Variants in CTDP1 observed in about 807,000 individuals in gnomAD.
CTDP1 encodes RNA polymerase II subunit A C-terminal domain phosphatase.
In CTDP1, 47 loss-of-function variants were observed where a neutral mutation model predicts 91.8. That is an observed-to-expected ratio of 0.51 (90% confidence interval 0.41 to 0.65). The LOEUF (loss-of-function observed/expected upper bound fraction) is 0.65, where lower values mean the gene tolerates loss of function less well. Among genes scored for constraint, CTDP1 ranks in the 30% least tolerant of loss-of-function variants. The pLI, the probability that CTDP1 is intolerant of heterozygous loss-of-function variation, is 0.00. For missense variants in CTDP1, 1,272 were observed against 1,373.7 expected (o/e 0.93, Z 1.17); for synonymous variants, 656 against 598.5 (o/e 1.10, Z -1.40).
chr18:79,709,587 G>A (rs549691218), intron 5 of CTDP1, among the ~76,000 whole-genome samples: 4 of 152,150 alleles, frequency 2.6e-5, no homozygotes, highest in South Asian at 4.1e-4. Flanking sequence ...TGTAATTAAC[G>A]GATGTCATGT....
chr18:79,696,757 C>T lies in CTDP1; in HGVS notation c.492+687C>T, dbSNP rs558448026. Among the ~76,000 whole-genome samples the T allele has an allele frequency of 9.9e-5, 15 of 152,280 alleles. No homozygotes were observed. The South Asian group carries it at 2.7e-3, about 27-fold the overall frequency. The stretch of plus-strand genomic sequence containing the variant: ...GATGGGTTTTTATCTTCGAGTGCTA[C>T]GCCTCGTTTATGTATTTCAGGAGTT... On this transcript the variant is annotated intron_variant, in intron 3 of 12. Coordinates refer to ENST00000613122, the MANE Select transcript of CTDP1 (RefSeq NM_004715.5).
rs966771630 is a variant in CTDP1 at position 79,679,855 on chromosome 18, G to A, written c.-93G>A. 2.1e-5 allele frequency: 25 copies of A among 1,199,870 alleles called. No individual in the cohort carries two copies. Among genetic ancestry groups the A allele is most frequent in the Non-Finnish European group, 2.4e-5 (22 of 914,084 alleles). 74.3% of individuals were successfully genotyped at this position (1,199,870 alleles called of 1,614,324 possible). A position where few individuals can be genotyped will look rare whatever the true frequency, so the allele number is the denominator to read the frequency against. ...GAAGCCGGTACCGAGAGGAACTACA[G>A]CGTCGCCGCCTGGGTTGTGTCGCCG... On this transcript the variant is annotated 5_prime_UTR_variant, in exon 1 of 13. Transcript: ENST00000613122.
chr18:79,726,188 G>A lies in CTDP1; in HGVS notation c.2418-2719G>A, dbSNP rs933938426. ...CTGTGTTCTTTTTCCTGTTCAGCTC[G>A]TTTTCTCTGTTGTCCAGGTTGGGTG... On this transcript the variant is annotated intron_variant, in intron 10 of 12. Transcript: ENST00000613122. Among the ~76,000 whole-genome samples, 17 of 152,252 alleles carry A rather than the reference G, an allele frequency of 1.1e-4. No individual in the cohort carries two copies. In the East Asian group the frequency reaches 3.1e-3, roughly 28 times the overall value.
At chr18:79,686,958 C>T (rs1484418197) in intron 1 of CTDP1, among the ~76,000 whole-genome samples, 1 of 141,898 alleles carries the variant, frequency 7.0e-6, no homozygotes, top group African/African-American at 2.7e-5. Flanking sequence ...GCCTGCACCG[C>T]AGCAGTTGGC....
chr18:79,717,181 G>A (rs2086229246), intron 8 of CTDP1, among the ~76,000 whole-genome samples: 1 of 145,238 alleles, frequency 6.9e-6, no homozygotes. Context: ...TGAGGGCCCT[G>A]GGCCCTGGTG....
At chr18:79,688,450 A>C (rs1026311125) in intron 1 of CTDP1, among the ~76,000 whole-genome samples, 2 of 152,222 alleles carry the variant, frequency 1.3e-5, no homozygotes, top group African/African-American at 2.4e-5. Flanking sequence ...TTTTTAGTAG[A>C]GACAGGGTTT....
Position 79,680,203 on chromosome 18 carries a change from G to A in CTDP1, c.256G>A (p.Glu86Lys). The A allele has an allele frequency of 7.3e-7, 1 of 1,376,190 alleles. No individual in the cohort carries two copies. The highest frequency in any genetic ancestry group is 9.3e-7 in the Non-Finnish European group (1 of 1,071,386). The allele number at this position is 1,376,190 out of a possible 1,614,324, so 85.2% of individuals were successfully genotyped here. ...PARPERRLRS[E>K]RAGVVRELCA... ...GCGGCCGGAACGCAGGCTGAGGTCG[G>A]AGCGCGCGGGCGTGGTGCGGGAGCT... Residue 86 changes from glutamate (E) to lysine (K), a missense_variant, in exon 1 of 13, where the codon GAG becomes AAG. By Grantham distance (56) the Glu-to-Lys change is moderately conservative (BLOSUM62 1). Around this residue, in one of 3 missense-constraint regions of CTDP1, gnomAD observed 214 missense variants for 179.1 expected, o/e 1.19. Coordinates refer to ENST00000613122, the MANE Select transcript of CTDP1 (RefSeq NM_004715.5).
chr18:79,715,922 T>C (rs1374002081), intron 8 of CTDP1, among the ~76,000 whole-genome samples: 1 of 152,196 alleles, frequency 6.6e-6, no homozygotes, highest in African/African-American at 2.4e-5. Flanking sequence ...AGGTTTCAGC[T>C]GAAACGTGCA....
chr18:79,691,026 C>T (rs1224880660), intron 1 of CTDP1, among the ~76,000 whole-genome samples: 1 of 152,234 alleles, frequency 6.6e-6, no homozygotes, highest in South Asian at 2.1e-4. Flanking sequence ...CCACCGGGAC[C>T]TTGCGTGGTT....
intron 1 of CTDP1, 51 bp from the exon 2 acceptor site, chr18:79,695,174 T>G: frequency 6.4e-7 from 1 of 1,563,734 alleles, no homozygotes; most frequent in African/African-American, 1.4e-5. Context: ...GGGGGCTCTT[T>G]TGATAAACCA....
chr18:79,747,978 C>T (rs2086914527), intron 12 of CTDP1, among the ~76,000 whole-genome samples: 1 of 152,186 alleles, frequency 6.6e-6, no homozygotes, highest in Non-Finnish European at 1.5e-5. Flanking sequence ...GTGGGGTATA[C>T]ATATATATTA....
chr18:79,718,296 C>T (rs1167928494), intron 10 of CTDP1, among the ~76,000 whole-genome samples: 2 of 152,202 alleles, frequency 1.3e-5, no homozygotes, highest in Admixed American at 6.5e-5. Context: ...GTGGCCGCCC[C>T]GCAGAGCACT....
At chr18:79,692,646 G>A (rs1192967311) in intron 1 of CTDP1, among the ~76,000 whole-genome samples, 1 of 152,050 alleles carries the variant, frequency 6.6e-6, no homozygotes, top group South Asian at 2.1e-4. Flanking sequence ...AGGAGCCCGC[G>A]GTGAGCTGGT....
rs534470435 is a variant in CTDP1 at position 79,744,428 on chromosome 18, A to G, written c.2747+7907A>G. On this transcript the variant is annotated intron_variant, in intron 12 of 12. Coordinates refer to ENST00000613122, the MANE Select transcript of CTDP1 (RefSeq NM_004715.5). ...TGCAAAAGAAAACAGAAAAGGGAAG[A>G]CAGGAACTAAAACTACATGAGGCAT... 2.6e-5 allele frequency among the ~76,000 whole-genome samples: 4 copies of G among 152,258 alleles called. No individual in the cohort carries two copies. The East Asian group carries it at 7.7e-4, about 29-fold the overall frequency.
intron 1 of CTDP1, among the ~76,000 whole-genome samples, chr18:79,684,667 C>A (rs1199507272): frequency 6.6e-6 from 1 of 152,090 alleles, no homozygotes; most frequent in East Asian, 1.9e-4. Flanking sequence ...ATTGTTGTTA[C>A]CAGCAACATT....
intron 1 of CTDP1, among the ~76,000 whole-genome samples, chr18:79,692,209 AAC>A (rs1189900890): frequency 6.6e-6 from 1 of 151,976 alleles, no homozygotes; most frequent in African/African-American, 2.4e-5. Context: ...ACCTTTGCAG[AAC>A]ACACTCTGCA....
intron 1 of CTDP1, among the ~76,000 whole-genome samples, chr18:79,694,273 G>GGTCA (rs1344065269): frequency 2.8e-5 from 4 of 141,980 alleles, no homozygotes; most frequent in African/African-American, 1.0e-4. Flanking sequence ...AGGCACCTAG[G>GGTCA]GGTGGGCGCT....
intron 10 of CTDP1, among the ~76,000 whole-genome samples, chr18:79,723,829 G>A (rs1442099433): frequency 6.6e-6 from 1 of 152,054 alleles, no homozygotes; most frequent in East Asian, 1.9e-4. Context: ...TCCCTGCACC[G>A]CGCCCTCTCC....
chr18:79,718,090 A>T (rs1176748704), intron 10 of CTDP1, 74 bp downstream of exon 10: 2 of 1,558,602 alleles, frequency 1.3e-6, no homozygotes, highest in Non-Finnish European at 1.7e-6. Context: ...TGTTGGGGGG[A>T]TGGCGTCAGT....
Sources: gnomAD v4.1 joint callset for allele counts (sites outside exome capture counted in the v4.1 genomes callset) on GRCh38, gnomAD v4.1.1 for gene constraint, gnomAD v4.1.1 regional missense constraint, MANE v1.5 for transcripts, NCBI Gene and HGNC (gene_info 2026-07-23, HGNC 2026-07-21) for gene names.